The following DTNA variants were observed in gnomAD, a reference collection of about 807,000 sequenced individuals.
The protein encoded by DTNA is dystrophin-related protein 3.
In DTNA, 43 loss-of-function variants were observed where a neutral mutation model predicts 100.7. The ratio of observed to expected loss-of-function variants is 0.43; its 90% CI spans 0.33 to 0.55. The LOEUF is 0.55. DTNA is among the 20% of genes least tolerant of loss of function. The pLI, the probability that DTNA is intolerant of heterozygous loss-of-function variation, is 0.04. For synonymous variants in DTNA, 349 were observed against 347.9 expected, an observed-to-expected ratio of 1.00 and a Z score of -0.04; for missense variants, 798 against 953.9, an observed-to-expected ratio of 0.84 and a Z score of 2.15.
At chr18:34,615,295 T>C (rs2055028348) in intron 1 of DTNA, among the ~76,000 whole-genome samples, 1 of 152,150 alleles carries the variant, frequency 6.6e-6, no homozygotes, top group South Asian at 2.1e-4. Context: ...CACCAAGCCA[T>C]GAGGAATGCG....
intron 3 of DTNA, among the ~76,000 whole-genome samples, chr18:34,791,375 G>A (rs934757329): frequency 3.3e-5 from 5 of 152,082 alleles, no homozygotes; most frequent in African/African-American, 1.2e-4. Flanking sequence ...CAGGACGACA[G>A]GCTGGATGTC....
intron 4 of DTNA, among the ~76,000 whole-genome samples, chr18:34,797,109 C>T: frequency 6.6e-6 from 1 of 152,096 alleles, no homozygotes; most frequent in East Asian, 1.9e-4. Context: ...GCAGTGGACC[C>T]CAGTGGTTTA....
chr18:34,867,355 A>T (rs1240630696), intron 17 of DTNA: 1 of 1,229,906 alleles, frequency 8.1e-7, no homozygotes, highest in African/African-American at 1.6e-5. Flanking sequence ...ATTTTGTGAA[A>T]AAAATTACTT....
chr18:34,562,492 G>A (rs1298644491), intron 1 of DTNA, among the ~76,000 whole-genome samples: 1 of 152,158 alleles, frequency 6.6e-6, no homozygotes, highest in Non-Finnish European at 1.5e-5. Flanking sequence ...TGATGCCACC[G>A]GAAGTGGCAT....
At chr18:34,866,004 G>A (rs1045648040) in intron 17 of DTNA, 15 of 1,295,194 alleles carry the variant, frequency 1.2e-5, no homozygotes, top group Admixed American at 5.0e-5. Flanking sequence ...TGGACCTGCC[G>A]TCAAAGGTGT....
At chr18:34,519,813 C>T (rs886512682) in intron 1 of DTNA, among the ~76,000 whole-genome samples, 2 of 152,150 alleles carry the variant, frequency 1.3e-5, no homozygotes, top group Non-Finnish European at 2.9e-5. Flanking sequence ...ATAATAAGAT[C>T]ATCCATTTAA....
At chr18:34,827,200 A>T (rs1050281249) in intron 9 of DTNA, among the ~76,000 whole-genome samples, 4 of 152,170 alleles carry the variant, frequency 2.6e-5, no homozygotes, top group African/African-American at 9.7e-5. Flanking sequence ...AGCCTCAGGA[A>T]TCTTCCTCTT....
At position 34,589,450 on chromosome 18, in the gene DTNA, A is replaced by C. The variant is rs548746911; in HGVS notation, c.-2+95936A>C. ...AATAAAACCCCGTCTCTACTAAAAA[A>C]TACAAAAAATTAGCTGGGCGTGGTG... On this transcript the variant is annotated intron_variant, in intron 1 of 19. Transcript: ENST00000283365. 2.0e-5 allele frequency among the ~76,000 whole-genome samples: 3 copies of C among 152,160 alleles called. 1 individual carries two copies. In the East Asian group the frequency reaches 5.8e-4, roughly 29 times the overall value.
chr18:34,791,810 C>T (rs2094756655), intron 3 of DTNA, among the ~76,000 whole-genome samples: 1 of 152,116 alleles, frequency 6.6e-6, no homozygotes, highest in Non-Finnish European at 1.5e-5. Context: ...AATGCATTGT[C>T]TGCTAGGTAC....
intron 19 of DTNA, among the ~76,000 whole-genome samples, chr18:34,879,330 C>T (rs954217616): frequency 2.6e-5 from 4 of 152,124 alleles, no homozygotes; most frequent in Non-Finnish European, 5.9e-5. Context: ...TTCCTCATAA[C>T]ATTTCTGAGA....
chr18:34,620,911 A>T (rs1192286585), intron 1 of DTNA, among the ~76,000 whole-genome samples: 1 of 152,074 alleles, frequency 6.6e-6, no homozygotes, highest in Non-Finnish European at 1.5e-5. Flanking sequence ...CATAGTTGAA[A>T]TTTTTTCTAA....
intron 8 of DTNA, chr18:34,818,725 C>A: frequency 2.1e-6 from 2 of 940,326 alleles, no homozygotes; most frequent in Non-Finnish European, 2.7e-6. Context: ...TTCTTAGATT[C>A]TGGAGTTCTT....
At chr18:34,602,732 C>A (rs1031843119) in intron 1 of DTNA, among the ~76,000 whole-genome samples, 4 of 151,766 alleles carry the variant, frequency 2.6e-5, no homozygotes, top group African/African-American at 9.7e-5. Context: ...AAAAAAGAGG[C>A]CCGGCGTGGT....
At chr18:34,500,462 G>GT (rs2039776384) in intron 1 of DTNA, among the ~76,000 whole-genome samples, 1 of 149,804 alleles carries the variant, frequency 6.7e-6, no homozygotes, top group South Asian at 2.1e-4. Flanking sequence ...TATAGTTGTT[G>GT]TTGTTTGTTT....
chr18:34,699,517 T>A (rs934870079), intron 1 of DTNA, among the ~76,000 whole-genome samples: 1 of 152,188 alleles, frequency 6.6e-6, no homozygotes, highest in Non-Finnish European at 1.5e-5. Flanking sequence ...CCCAGAATAA[T>A]GTTTGACCAA....
intron 1 of DTNA, among the ~76,000 whole-genome samples, chr18:34,561,176 C>A (rs2849489): frequency 0.19 from 29,493 of 151,948 alleles, 3,333 homozygotes; most frequent in African/African-American, 0.3. Context: ...AACTTTACAA[C>A]TATATACTAC....
chr18:34,769,980 C>G (rs368843558), intron 3 of DTNA, among the ~76,000 whole-genome samples: 1 of 151,916 alleles, frequency 6.6e-6, no homozygotes, highest in Non-Finnish European at 1.5e-5. Context: ...CTTGGCCTCC[C>G]AAAGTGCTAG....
At chr18:34,599,673 G>A (rs1341730444) in intron 1 of DTNA, among the ~76,000 whole-genome samples, 2 of 151,848 alleles carry the variant, frequency 1.3e-5, no homozygotes, top group African/African-American at 2.4e-5. Context: ...TTTGGTTGTC[G>A]TTGTTTTGTT....
chr18:34,631,818 C>T (rs2058111950), intron 1 of DTNA, among the ~76,000 whole-genome samples: 1 of 152,166 alleles, frequency 6.6e-6, no homozygotes, highest in Non-Finnish European at 1.5e-5. Context: ...TTGTTCATCA[C>T]CCAAGAGTCA....
Sources: gnomAD v4.1 joint callset for allele counts (sites outside exome capture counted in the v4.1 genomes callset) on GRCh38, gnomAD v4.1.1 for gene constraint, MANE v1.5 for transcripts, NCBI Gene and HGNC (gene_info 2026-07-23, HGNC 2026-07-21) for gene names.